SDCCAG8: variants seen among roughly 807,000 people sequenced by gnomAD.
SDCCAG8 encodes the protein SHH signaling and ciliogenesis regulator SDCCAG8, also known as serologically defined colon cancer antigen 8.
A neutral mutation model predicts 101.8 loss-of-function variants in SDCCAG8; 74 were observed. That is an observed-to-expected ratio of 0.73 (90% CI 0.60 to 0.88). SDCCAG8 has a LOEUF of 0.88. Ranked by LOEUF, SDCCAG8 falls within the 40% of genes least tolerant of loss-of-function variation. The pLI is 0.00. For synonymous variants in SDCCAG8, 281 were observed against 292.9 expected (o/e 0.96, Z 0.41); for missense variants, 787 against 822.6 (o/e 0.96, Z 0.53).
intron 15 of SDCCAG8, among the ~76,000 whole-genome samples, chr1:243,420,898 C>G (rs2148026986): frequency 6.6e-6 from 1 of 152,288 alleles, no homozygotes; most frequent in Middle Eastern, 3.4e-3. Flanking sequence ...AGGGCTTAAA[C>G]TGCTTCTTTT....
intron 6 of SDCCAG8, chr1:243,293,580 A>C: frequency 2.4e-6 from 1 of 420,706 alleles, no homozygotes; most frequent in Non-Finnish European, 4.7e-6. Flanking sequence ...TATTTCCCTT[A>C]GCATAATATT....
In SDCCAG8 at chr1:243,308,178, G is replaced by A. The variant is rs2149319813; in HGVS notation, c.929+1G>A. On this transcript the variant is annotated splice_donor_variant, in intron 8 of 17. Coordinates refer to ENST00000366541, the MANE Select transcript of SDCCAG8 (RefSeq NM_006642.5). LOFTEE classifies it high-confidence loss of function. ...TGCAGACCATCGAAAGACTGGTTAA[G>A]TAAGTATGCTTCTACGCGCACGGAG... 1.2e-6 allele frequency: 2 copies of A among 1,614,112 alleles called. No homozygotes were observed. The highest frequency in any genetic ancestry group is 1.7e-6 in the Non-Finnish European group (2 of 1,180,004).
chr1:243,403,643 A>G (rs192809291), intron 13 of SDCCAG8, among the ~76,000 whole-genome samples: 2 of 138,898 alleles, frequency 1.4e-5, no homozygotes, highest in East Asian at 2.0e-4. Context: ...CAGCAGCATC[A>G]TTGGATTCCC....
At chr1:243,397,729 GC>G (rs2079112006) in intron 13 of SDCCAG8, among the ~76,000 whole-genome samples, 1 of 152,212 alleles carries the variant, frequency 6.6e-6, no homozygotes, top group African/African-American at 2.4e-5. Context: ...GTTAATTTCT[GC>G]TGCTGAGGTT....
intron 4 of SDCCAG8, among the ~76,000 whole-genome samples, chr1:243,282,119 G>T (rs2149278904): frequency 1.3e-5 from 2 of 152,036 alleles, no homozygotes; most frequent in East Asian, 3.9e-4. Flanking sequence ...TAGTAGCTAG[G>T]ACTACAGGTG....
At chr1:243,473,919 C>CGGGGGGGGG (rs1460893006) in intron 16 of SDCCAG8, among the ~76,000 whole-genome samples, 1 of 3,440 alleles carries the variant, frequency 2.9e-4, no homozygotes, top group African/African-American at 9.7e-4. Flanking sequence ...GGAGAGTTGC[C>CGGGGGGGGG]GGCGGGGGGG....
intron 9 of SDCCAG8, among the ~76,000 whole-genome samples, chr1:243,330,077 A>T (rs979510665): frequency 2.0e-5 from 3 of 152,232 alleles, no homozygotes; most frequent in African/African-American, 7.2e-5. Flanking sequence ...GCCTGTGTGT[A>T]ATGATATATT....
At chr1:243,426,787 G>A (rs1009162034) in intron 16 of SDCCAG8, among the ~76,000 whole-genome samples, 2 of 152,118 alleles carry the variant, frequency 1.3e-5, no homozygotes, top group African/African-American at 4.8e-5. Context: ...TGAAGACATA[G>A]AATTAGATTT....
intron 17 of SDCCAG8, among the ~76,000 whole-genome samples, chr1:243,492,295 CTTTTT>C (rs33950392): frequency 7.9e-5 from 5 of 63,124 alleles, no homozygotes; most frequent in East Asian, 1.1e-3. Context: ...CGTTTCTTGG[CTTTTT>C]TTTTTTTTTT....
chr1:243,474,637 C>T lies in SDCCAG8; in HGVS notation c.1986-14377C>T, dbSNP rs962194654. On this transcript the variant is annotated intron_variant, in intron 16 of 17. Transcript: ENST00000366541. The surrounding 1 kb of genome is among the most constrained non-coding windows in gnomAD (Gnocchi z 4.7). Reference sequence around the variant, plus strand: ...GCGGTGGCCCGAGAGCAGGTGCTGGCGTGCGGGAGGCGCACGTGGAGCCCT... The same window carrying T: ...GCGGTGGCCCGAGAGCAGGTGCTGGTGTGCGGGAGGCGCACGTGGAGCCCT... 1.3e-5 allele frequency among the ~76,000 whole-genome samples: 2 copies of T among 152,234 alleles called. No individual in the cohort carries two copies. The highest frequency in any genetic ancestry group is 4.8e-5 in the African/African-American group (2 of 41,470).
chr1:243,409,775 G>A (rs1262852533), intron 13 of SDCCAG8, among the ~76,000 whole-genome samples: 6 of 152,122 alleles, frequency 3.9e-5, no homozygotes, highest in Admixed American at 3.9e-4. Flanking sequence ...ATGACTCCAT[G>A]CTGATATTAA....
intron 12 of SDCCAG8, chr1:243,346,133 G>A (rs982219989): frequency 6.5e-6 from 1 of 154,304 alleles, no homozygotes; most frequent in Non-Finnish European, 1.5e-5. Context: ...GACAGTTTCA[G>A]AAAAGAAGTC....
rs1658299113 is a variant in SDCCAG8, at chr1:243,458,490, GCTC to G, written c.1986-30520_1986-30518del. On this transcript the variant is annotated intron_variant, in intron 16 of 17. Transcript: ENST00000366541. This position sits in a 1 kb window ranked among gnomAD's most constrained non-coding sequence, Gnocchi z 4.5. ...TTTAGAGCGTGCTTGCTATGTACCA[GCTC>G]CTCTTCTAAGCACTTACCTTTTAAA... is the stretch of plus-strand genomic sequence containing the variant. Among the ~76,000 whole-genome samples, 1 of 152,116 alleles carries G rather than the reference GCTC, an allele frequency of 6.6e-6. No individual in the cohort carries two copies. The highest frequency in any genetic ancestry group is 2.4e-5 in the African/African-American group (1 of 41,430).
intron 10 of SDCCAG8, among the ~76,000 whole-genome samples, chr1:243,331,331 T>C (rs746022952): frequency 9.2e-5 from 14 of 152,230 alleles, no homozygotes; most frequent in Non-Finnish European, 2.1e-4. Flanking sequence ...ATTGAGCAAG[T>C]TGTGGTCCAT....
chr1:243,435,298 C>T (rs1359701893), intron 16 of SDCCAG8, among the ~76,000 whole-genome samples: 4 of 152,212 alleles, frequency 2.6e-5, no homozygotes, highest in Non-Finnish European at 4.4e-5. Flanking sequence ...ATTCCTTAAT[C>T]TTAAACTTCA....
chr1:243,257,914 C>T (rs7552767), intron 1 of SDCCAG8, among the ~76,000 whole-genome samples: 138 of 152,180 alleles, frequency 9.1e-4, no homozygotes, highest in African/African-American at 3.2e-3. Context: ...GCTTCTCTTC[C>T]TTTGACCTTA....
At chr1:243,326,676 A>G (rs186552048) in intron 9 of SDCCAG8, among the ~76,000 whole-genome samples, 120 of 152,326 alleles carry the variant, frequency 7.9e-4, no homozygotes, top group African/African-American at 2.6e-3. Context: ...CATAAAAATA[A>G]AAATGTTTGT....
intron 9 of SDCCAG8, among the ~76,000 whole-genome samples, chr1:243,323,757 C>T (rs2073941619): frequency 1.3e-5 from 2 of 152,202 alleles, no homozygotes; most frequent in Admixed American, 1.3e-4. Flanking sequence ...GATCACTGGT[C>T]ACTTCCTGAT....
At chr1:243,301,204 A>G (rs148870650) in intron 6 of SDCCAG8, among the ~76,000 whole-genome samples, 47 of 152,354 alleles carry the variant, frequency 3.1e-4, no homozygotes, top group African/African-American at 1.0e-3. Context: ...CTGTACTACT[A>G]TAAGAATTTC....
Sources: allele counts gnomAD v4.1 joint callset (sites outside exome capture counted in the v4.1 genomes callset), GRCh38; gene constraint gnomAD v4.1.1; non-coding constraint Gnocchi (gnomAD v3.1); transcripts MANE v1.5; gene names NCBI Gene and HGNC (gene_info 2026-07-23, HGNC 2026-07-21).